Variants in NFIA observed in about 807,000 individuals in gnomAD.
NFIA encodes nuclear factor 1 A-type.
In NFIA, 8 loss-of-function variants were observed where a neutral mutation model predicts 62.8. That is an observed-to-expected ratio of 0.13 (90% CI 0.07 to 0.23). The LOEUF is 0.23. Among genes scored for constraint, NFIA ranks in the 10% least tolerant of loss-of-function variants. The probability of loss-of-function intolerance (pLI) is 1.00; values close to 1 mark genes in which losing one functional copy is unlikely to be tolerated. For missense variants in NFIA, 410 were observed against 642.1 expected (o/e 0.64, Z 3.91); for synonymous variants, 235 against 238.1 (o/e 0.99, Z 0.12).
At chr1:61,102,039 C>T (rs1008455790) in intron 2 of NFIA, among the ~76,000 whole-genome samples, 1 of 152,164 alleles carries the variant, frequency 6.6e-6, no homozygotes, top group African/African-American at 2.4e-5. Flanking sequence ...TTCATTAATA[C>T]GTGTGCTTTT....
chr1:61,404,110 C>G lies in NFIA; in HGVS notation c.1082C>G (p.Pro361Arg). 6.2e-7 allele frequency: 1 copy of G among 1,613,958 alleles called. No individual in the cohort carries two copies. Among genetic ancestry groups the G allele is most frequent in the Non-Finnish European group, 8.5e-7 (1 of 1,179,944 alleles). Reference sequence around the variant, plus strand: ...ATGTTTTCTTTTCCTGCAGCAAGTCCGCATGCAACACCATCGACTCTTCAT... The same window carrying G: ...ATGTTTTCTTTTCCTGCAGCAAGTCGGCATGCAACACCATCGACTCTTCAT... ...RPVITGPRAS[P>R]HATPSTLHFP... is the part of the protein sequence containing the mutation. The change falls in exon 8 of 11, where the codon CCG becomes CGG. Residue 361 changes from proline to arginine, a missense_variant. By Grantham distance (103) the Pro-to-Arg change is moderately radical. Coordinates refer to ENST00000403491, the MANE Select transcript of NFIA (RefSeq NM_001134673.4).
At chr1:61,085,533 A>C (rs1646203172) in intron 1 of NFIA, among the ~76,000 whole-genome samples, 1 of 151,894 alleles carries the variant, frequency 6.6e-6, no homozygotes, top group Non-Finnish European at 1.5e-5. Flanking sequence ...GCTTATAGCG[A>C]TATGTTCAGC....
At chr1:61,364,080 G>A (rs1663456417) in intron 6 of NFIA, among the ~76,000 whole-genome samples, 1 of 151,896 alleles carries the variant, frequency 6.6e-6, no homozygotes, top group South Asian at 2.1e-4. Flanking sequence ...CGAGCAGGTA[G>A]GACTACAGGT....
intron 2 of NFIA, among the ~76,000 whole-genome samples, chr1:61,197,526 C>T (rs1047438557): frequency 1.3e-5 from 2 of 151,506 alleles, no homozygotes; most frequent in African/African-American, 4.8e-5. Flanking sequence ...CGTGAGCCAC[C>T]GCACCCGGCC....
At chr1:61,114,951 T>C (rs1646771329) in intron 2 of NFIA, among the ~76,000 whole-genome samples, 1 of 152,116 alleles carries the variant, frequency 6.6e-6, no homozygotes, top group African/African-American at 2.4e-5. Context: ...ATTAAGTGAA[T>C]ATATATATAT....
At chr1:61,254,809 A>T (rs1473107507) in intron 2 of NFIA, among the ~76,000 whole-genome samples, 1 of 152,204 alleles carries the variant, frequency 6.6e-6, no homozygotes, top group East Asian at 1.9e-4. Flanking sequence ...GCTACATTGC[A>T]TTGCCATATT....
chr1:61,256,434 TAAAAAA>T (rs5774549), intron 2 of NFIA, among the ~76,000 whole-genome samples: 2 of 102,014 alleles, frequency 2.0e-5, no homozygotes, highest in African/African-American at 7.7e-5. Flanking sequence ...AGACTCCATC[TAAAAAA>T]AAAAAAAAAA....
chr1:61,203,601 T>A (rs1414569580), intron 2 of NFIA, among the ~76,000 whole-genome samples: 1 of 152,128 alleles, frequency 6.6e-6, no homozygotes, highest in Non-Finnish European at 1.5e-5. Context: ...CTTCCTTGAT[T>A]AGCCTTCTTC....
chr1:61,338,019 A>C (rs1275884136), intron 4 of NFIA, among the ~76,000 whole-genome samples: 1 of 152,042 alleles, frequency 6.6e-6, no homozygotes, highest in East Asian at 1.9e-4. Flanking sequence ...CCGCAAATAC[A>C]CACAGGCCAT....
At chr1:61,086,170 A>G (rs1422916681) in intron 1 of NFIA, among the ~76,000 whole-genome samples, 3 of 152,144 alleles carry the variant, frequency 2.0e-5, no homozygotes, top group South Asian at 2.1e-4. Context: ...GGTAGACTCC[A>G]GGAGTTTTTT....
At chr1:61,097,348 A>T (rs1398631855) in intron 2 of NFIA, among the ~76,000 whole-genome samples, 1 of 152,228 alleles carries the variant, frequency 6.6e-6, no homozygotes, top group Non-Finnish European at 1.5e-5. Flanking sequence ...CAGGTTAAAA[A>T]AAGTGAGGCG....
At chr1:61,120,906 C>G (rs562658615) in intron 2 of NFIA, among the ~76,000 whole-genome samples, 2 of 152,304 alleles carry the variant, frequency 1.3e-5, no homozygotes, top group South Asian at 4.1e-4. Flanking sequence ...CACGGCCATA[C>G]TTTGCATTTT....
chr1:61,355,414 G>A (rs544614093), intron 5 of NFIA, among the ~76,000 whole-genome samples: 1 of 152,244 alleles, frequency 6.6e-6, no homozygotes, highest in Non-Finnish European at 1.5e-5. Context: ...AAAGAGCAGT[G>A]TAAAAATTGG....
chr1:61,297,060 C>G (rs1027903656), intron 3 of NFIA, among the ~76,000 whole-genome samples: 1 of 152,158 alleles, frequency 6.6e-6, no homozygotes, highest in Admixed American at 6.6e-5. Context: ...TTCCACTGGC[C>G]TAATGAAAGT....
chr1:61,307,290 G>C (rs955336746), intron 3 of NFIA, among the ~76,000 whole-genome samples: 2 of 152,186 alleles, frequency 1.3e-5, no homozygotes, highest in African/African-American at 2.4e-5. Flanking sequence ...CTCTTATAAA[G>C]AGAACACAGA....
intron 3 of NFIA, among the ~76,000 whole-genome samples, chr1:61,278,231 T>A (rs1657931072): frequency 6.6e-6 from 1 of 152,204 alleles, no homozygotes; most frequent in South Asian, 2.1e-4. Context: ...TCTGGTAAAA[T>A]TTGAATTCGT....
chr1:61,236,031 AT>A (rs1654993237), intron 2 of NFIA, among the ~76,000 whole-genome samples: 1 of 151,986 alleles, frequency 6.6e-6, no homozygotes, highest in South Asian at 2.1e-4. Context: ...CCCTCCTCTT[AT>A]CCCTACTTTG....
chr1:61,450,395 T>C (rs1338230542), intron 10 of NFIA, among the ~76,000 whole-genome samples: 1 of 152,154 alleles, frequency 6.6e-6, no homozygotes, highest in Non-Finnish European at 1.5e-5. Context: ...ACAGTAGGCT[T>C]TAGTCCATCC....
At chr1:61,125,013 A>T (rs1465501609) in intron 2 of NFIA, 1 of 152,210 alleles carries the variant, frequency 6.6e-6, no homozygotes, top group Non-Finnish European at 1.5e-5. Context: ...TAGAGGAGTG[A>T]ATCTGTGCTG....
Sources: allele counts gnomAD v4.1 joint callset (sites outside exome capture counted in the v4.1 genomes callset), GRCh38; gene constraint gnomAD v4.1.1; transcripts MANE v1.5; gene names NCBI Gene and HGNC (gene_info 2026-07-23, HGNC 2026-07-21).